Variants in TATDN3 observed in about 807,000 individuals in gnomAD.
TATDN3 encodes deoxyribonuclease TATDN3.
TATDN3 carries 29 observed loss-of-function variants against 40.1 expected under a neutral mutation model. That is an observed-to-expected ratio of 0.72 (90% CI 0.54 to 0.99). The LOEUF (loss-of-function observed/expected upper bound fraction) is 0.99. Ranked by LOEUF, TATDN3 falls within the 50% of genes least tolerant of loss-of-function variation. The pLI is 0.00. For missense variants in TATDN3, 309 were observed against 321.9 expected, an observed-to-expected ratio of 0.96 and a Z score of 0.31; for synonymous variants, 105 against 117.0, an observed-to-expected ratio of 0.90 and a Z score of 0.66.
intron 9 of TATDN3, among the ~76,000 whole-genome samples, chr1:212,813,697 CTTGTTT>C (rs199525131): frequency 6.6e-6 from 1 of 150,794 alleles, no homozygotes; most frequent in Non-Finnish European, 1.5e-5. Flanking sequence ...TGCCTGGCTA[CTTGTTT>C]TTGTTTTTGT....
Position 212,816,056 on chromosome 1 carries a change from A to G in TATDN3, c.*900A>G, listed in dbSNP as rs1211167807. ...ATCATTATTGAATACCAAGCCCAAA[A>G]GTTTAGTTAATACACCAATTGTAAG... On this transcript the variant is annotated 3_prime_UTR_variant, in exon 10 of 10. Transcript: ENST00000366974. 1 of 152,208 alleles carries G rather than the reference A, an allele frequency of 6.6e-6. No individual in the cohort carries two copies. The highest frequency in any genetic ancestry group is 2.4e-5 in the African/African-American group (1 of 41,454). 9.4% of individuals were successfully genotyped at this position (152,208 alleles called of 1,614,324 possible). A position where few individuals can be genotyped will look rare whatever the true frequency, so the allele number is the denominator to read the frequency against.
chr1:212,805,819 T>C (rs1558082868), intron 7 of TATDN3, among the ~76,000 whole-genome samples: 1 of 152,192 alleles, frequency 6.6e-6, no homozygotes, highest in Non-Finnish European at 1.5e-5. Flanking sequence ...CCATCCGCAG[T>C]AAGAAATATA....
At chr1:212,811,293 C>T (rs576302881) in intron 8 of TATDN3, among the ~76,000 whole-genome samples, 7 of 152,046 alleles carry the variant, frequency 4.6e-5, no homozygotes, top group Admixed American at 2.6e-4. Context: ...CCACTACGCC[C>T]GGCTAATTTT....
intron 4 of TATDN3, among the ~76,000 whole-genome samples, chr1:212,799,711 G>C (rs1662052987): frequency 6.6e-6 from 1 of 151,946 alleles, no homozygotes; most frequent in African/African-American, 2.4e-5. Context: ...CTAATTTTTT[G>C]TATTTTTAGT....
chr1:212,812,394 G>A, intron 9 of TATDN3, 66 bp downstream of exon 9: 2 of 907,136 alleles, frequency 2.2e-6, no homozygotes, highest in South Asian at 3.1e-5. Flanking sequence ...TTTCAATTTA[G>A]CTGTATTTCT....
At chr1:212,806,805 TAC>T (rs1395667761) in intron 7 of TATDN3, among the ~76,000 whole-genome samples, 2 of 110,130 alleles carry the variant, frequency 1.8e-5, no homozygotes, top group Admixed American at 1.0e-4. Context: ...CACACATATA[TAC>T]ACATATATAC....
chr1:212,808,840 CT>C (rs1662693432), intron 8 of TATDN3, among the ~76,000 whole-genome samples: 1 of 152,160 alleles, frequency 6.6e-6, no homozygotes, highest in African/African-American at 2.4e-5. Context: ...AATTCCACCC[CT>C]AGGTAGATAC....
chr1:212,804,169 TA>T (rs1437044474), intron 5 of TATDN3, 150 bp from the exon 6 acceptor site: 32 of 532,626 alleles, frequency 6.0e-5, no homozygotes, highest in Middle Eastern at 4.5e-4. Flanking sequence ...TTTTTGTGAA[TA>T]TTTTTAATGT....
At chr1:212,792,647 A>AG (rs1429461682) in intron 1 of TATDN3, among the ~76,000 whole-genome samples, 2 of 149,158 alleles carry the variant, frequency 1.3e-5, no homozygotes, top group Non-Finnish European at 3.0e-5. Flanking sequence ...AAAAAAAAAA[A>AG]AAAAAATTCA....
rs752952752 is a variant in TATDN3 at position 212,792,632 on chromosome 1, C to CAAA, written c.66+664_66+666dup. Among the ~76,000 whole-genome samples the CAAA allele has an allele frequency of 2.2e-3, 166 of 75,066 alleles. 4 individuals carry two copies. Among genetic ancestry groups the CAAA allele is most frequent in the African/African-American group, 9.8e-3 (147 of 14,970 alleles). The allele number at this position is 75,066 out of a possible 152,430, so 49.2% of individuals were successfully genotyped here. On this transcript the variant is annotated intron_variant, in intron 1 of 9. Transcript: ENST00000366974. ...CCTGGGTAACAGTGAGACCCTGTCT[C>CAAA]AAAAAAAAAAAAAAAAAAAAATTCA...
intron 1 of TATDN3, among the ~76,000 whole-genome samples, chr1:212,792,247 C>T (rs1661357863): frequency 6.6e-6 from 1 of 152,148 alleles, no homozygotes; most frequent in Non-Finnish European, 1.5e-5. Flanking sequence ...ATCGTTCCCT[C>T]ACTCCCCTTG....
At chr1:212,795,529 C>T (rs1485630236) in intron 2 of TATDN3, among the ~76,000 whole-genome samples, 3 of 152,076 alleles carry the variant, frequency 2.0e-5, no homozygotes, top group Admixed American at 1.3e-4. Context: ...CCTCGACCTC[C>T]CAAAGTGCTG....
At chr1:212,810,812 G>T (rs114764721) in intron 8 of TATDN3, among the ~76,000 whole-genome samples, 1,978 of 152,148 alleles carry the variant, frequency 0.013, 33 homozygotes, top group African/African-American at 0.046. Context: ...TGTCAATGTC[G>T]GCACATGATA....
intron 7 of TATDN3, among the ~76,000 whole-genome samples, chr1:212,806,799 CATATAT>C (rs1234986133): frequency 0.011 from 988 of 91,456 alleles, 131 homozygotes; most frequent in Middle Eastern, 0.022. Context: ...CACACACACA[CATATAT>C]ACACATATAT....
rs867241457 is a variant in TATDN3, at chr1:212,806,815, T to C, written c.488-921T>C. On this transcript the variant is annotated intron_variant, in intron 7 of 9. Transcript: ENST00000366974. ...ACACACACACATATATACACATATA[T>C]ACACATATATACATATATATACATA... Among the ~76,000 whole-genome samples the C allele has an allele frequency of 2.7e-4, 33 of 120,182 alleles. 3 individuals carry two copies. Among genetic ancestry groups the C allele is most frequent in the Admixed American group, 5.2e-4 (6 of 11,642 alleles). The allele number at this position is 120,182 out of a possible 152,430, so 78.8% of individuals were successfully genotyped here. A position where few individuals can be genotyped will look rare whatever the true frequency, so the allele number is the denominator to read the frequency against.
intron 1 of TATDN3, among the ~76,000 whole-genome samples, chr1:212,793,962 C>T (rs1661543282): frequency 6.6e-6 from 1 of 152,048 alleles, no homozygotes; most frequent in African/African-American, 2.4e-5. Context: ...GAGTCATGGG[C>T]TCAGGAGAGA....
In TATDN3 at chr1:212,815,826, G is replaced by A. The variant is rs1663153275; in HGVS notation, c.*670G>A. 6.6e-6 allele frequency: 1 copy of A among 152,238 alleles called. No individual in the cohort carries two copies. The highest frequency in any genetic ancestry group is 6.5e-5 in the Admixed American group (1 of 15,276). The allele number at this position is 152,238 out of a possible 1,614,324, so 9.4% of individuals were successfully genotyped here. ...GCATGAGCCACTGCGCCAGCCTAAAGTGTGTTCTTACCACCTATTTTTCTT... is the reference window on the plus strand; with the variant it reads ...GCATGAGCCACTGCGCCAGCCTAAAATGTGTTCTTACCACCTATTTTTCTT... On this transcript the variant is annotated 3_prime_UTR_variant, in exon 10 of 10. Transcript: ENST00000366974.
intron 8 of TATDN3, among the ~76,000 whole-genome samples, chr1:212,811,685 G>A (rs1175522333): frequency 6.6e-6 from 1 of 150,746 alleles, no homozygotes; most frequent in Non-Finnish European, 1.5e-5. Flanking sequence ...TTTTGTATTT[G>A]TATTTTTATT....
At chr1:212,803,339 A>C (rs1323670118) in intron 5 of TATDN3, among the ~76,000 whole-genome samples, 1 of 151,606 alleles carries the variant, frequency 6.6e-6, no homozygotes. Context: ...TGCACCACCA[A>C]CCCAGCTAAT....
Sources: gnomAD v4.1 joint callset for allele counts (sites outside exome capture counted in the v4.1 genomes callset) on GRCh38, gnomAD v4.1.1 for gene constraint, MANE v1.5 for transcripts, NCBI Gene and HGNC (gene_info 2026-07-23, HGNC 2026-07-21) for gene names.